The following PI4KA variants were observed in gnomAD, a reference collection of about 807,000 sequenced individuals.
The protein encoded by PI4KA is phosphatidylinositol 4-kinase alpha.
PI4KA carries 122 observed loss-of-function variants against 271.4 expected under a neutral mutation model. The observed-to-expected ratio is 0.45, with a 90% CI of 0.39 to 0.52. The LOEUF is 0.52. Ranked by LOEUF, PI4KA falls within the 20% of genes least tolerant of loss-of-function variation. PI4KA has a pLI of 0.00. For missense variants in PI4KA, 1,969 were observed against 2,769.1 expected (o/e 0.71, Z 6.48); for synonymous variants, 1,041 against 1,078.8 (o/e 0.96, Z 0.69).
intron 43 of PI4KA, among the ~76,000 whole-genome samples, chr22:20,720,247 T>C (rs933512826): frequency 6.6e-6 from 1 of 152,182 alleles, no homozygotes; most frequent in Non-Finnish European, 1.5e-5. Flanking sequence ...ATGAGAAGTT[T>C]ACTGCCAAGT....
intron 3 of PI4KA, 123 bp downstream of exon 3, chr22:20,834,439 G>T: frequency 1.4e-6 from 1 of 711,884 alleles, no homozygotes; most frequent in Non-Finnish European, 2.5e-6. Flanking sequence ...GCAGGCAGTT[G>T]TTTCCCAGCC....
Position 20,796,453 on chromosome 22 carries a change from A to G in PI4KA, c.2109-139T>C, listed in dbSNP as rs1934993309. 3.4e-5 allele frequency: 23 copies of G among 678,246 alleles called. 1 individual carries two copies. In the South Asian group the frequency reaches 4.4e-4, roughly 13 times the overall value. The allele number at this position is 678,246 out of a possible 1,614,324, so 42.0% of individuals were successfully genotyped here. On this transcript the variant is annotated intron_variant, in intron 17 of 54. Transcript: ENST00000255882. ...ACTCCTCCCAGTGTCTGTAAACCAA[A>G]GAACTCTCAAGTGGAGAAGAACATG...
intron 40 of PI4KA, 89 bp from the exon 41 acceptor site, chr22:20,727,486 G>T: frequency 8.1e-7 from 1 of 1,233,012 alleles, no homozygotes; most frequent in Non-Finnish European, 1.1e-6. Flanking sequence ...GGACGGCCAT[G>T]AGAAGTGATG....
At chr22:20,750,046 C>T (rs369185878) in intron 27 of PI4KA, 52 bp from the exon 28 acceptor site, 14 of 1,191,688 alleles carry the variant, frequency 1.2e-5, no homozygotes, top group African/African-American at 9.0e-5. Context: ...TTCATCTGAG[C>T]TGCCGTAGTG....
chr22:20,781,966 G>A (rs1447577749), intron 19 of PI4KA, among the ~76,000 whole-genome samples: 1 of 152,220 alleles, frequency 6.6e-6, no homozygotes, highest in African/African-American at 2.4e-5. Flanking sequence ...CATGACAAGA[G>A]CTCAGCGAAT....
chr22:20,785,067 C>CTTTTTTTT (rs1555894632), intron 19 of PI4KA, among the ~76,000 whole-genome samples: 1 of 134,452 alleles, frequency 7.4e-6, no homozygotes, highest in Non-Finnish European at 1.6e-5. Flanking sequence ...GGGACTGCAT[C>CTTTTTTTT]TTTTTTTTTT....
intron 19 of PI4KA, among the ~76,000 whole-genome samples, chr22:20,780,789 A>AAAAAAAAAAAAAAAAAG (rs1569025354): frequency 1.3e-5 from 2 of 151,384 alleles, no homozygotes; most frequent in African/African-American, 4.9e-5. Context: ...AAAAAAAAAA[A>AAAAAAAAAAAAAAAAAG]AAGAAGTAAA....
intron 5 of PI4KA, 83 bp downstream of exon 5, chr22:20,820,456 C>A: frequency 1.1e-6 from 1 of 897,138 alleles, no homozygotes; most frequent in Non-Finnish European, 1.8e-6. Flanking sequence ...TATTAGGTAC[C>A]CAACAACAGA....
chr22:20,780,440 T>C (rs1933680072), intron 19 of PI4KA, among the ~76,000 whole-genome samples: 1 of 152,120 alleles, frequency 6.6e-6, no homozygotes, highest in Non-Finnish European at 1.5e-5. Flanking sequence ...GTTATTAGCA[T>C]CCCCATTTTA....
At chr22:20,815,379 C>CAAA (rs361826) in intron 7 of PI4KA, among the ~76,000 whole-genome samples, 86 of 83,798 alleles carry the variant, frequency 1.0e-3, no homozygotes, top group African/African-American at 1.4e-3. Context: ...GACTGCGTCT[C>CAAA]AAAAAAAAAA....
chr22:20,778,646 T>C (rs1196414672), intron 19 of PI4KA, among the ~76,000 whole-genome samples: 1 of 152,152 alleles, frequency 6.6e-6, no homozygotes, highest in Non-Finnish European at 1.5e-5. Flanking sequence ...TTCAACAGCA[T>C]CTCCATTGCA....
chr22:20,746,555 C>G (rs1342717791), intron 29 of PI4KA, among the ~76,000 whole-genome samples: 1 of 152,202 alleles, frequency 6.6e-6, no homozygotes, highest in African/African-American at 2.4e-5. Context: ...TCCTACCACC[C>G]CCAAAAAGGA....
At chr22:20,799,610 G>A in intron 15 of PI4KA, 61 bp downstream of exon 15, 4 of 1,127,680 alleles carry the variant, frequency 3.5e-6, no homozygotes, top group Non-Finnish European at 3.9e-6. Context: ...AATGCCAGGT[G>A]CCCCACACGA....
chr22:20,844,661 T>A (rs1926027720), intron 1 of PI4KA, among the ~76,000 whole-genome samples: 1 of 152,146 alleles, frequency 6.6e-6, no homozygotes, highest in Non-Finnish European at 1.5e-5. Context: ...TGAACCTGGG[T>A]CCTACAGAAA....
intron 1 of PI4KA, among the ~76,000 whole-genome samples, chr22:20,850,449 A>AT (rs1926823200): frequency 2.2e-5 from 3 of 137,614 alleles, no homozygotes; most frequent in Non-Finnish European, 4.9e-5. Flanking sequence ...TTTAAAAAAA[A>AT]ATTTTTTTTT....
At chr22:20,732,424 A>T (rs967307546) in intron 36 of PI4KA, among the ~76,000 whole-genome samples, 3 of 151,930 alleles carry the variant, frequency 2.0e-5, no homozygotes, top group African/African-American at 4.8e-5. Flanking sequence ...CATTCGGCAT[A>T]CCCTTCCCTG....
Position 20,721,273 on chromosome 22 carries a change from G to A in PI4KA, c.5116+25C>T, listed in dbSNP as rs761200369. 23 of 1,612,952 alleles carry A rather than the reference G, an allele frequency of 1.4e-5. No individual in the cohort carries two copies. The East Asian group carries it at 1.8e-4, about 13-fold the overall frequency. On this transcript the variant is annotated intron_variant, in intron 43 of 54. Coordinates refer to ENST00000255882, the MANE Select transcript of PI4KA (RefSeq NM_058004.4). Reference sequence around the variant, plus strand: ...CAGTGCACTGAAGACAGTAAGTGAGGCCTGTGGGAGGACAAAATACTCACG... The same window carrying A: ...CAGTGCACTGAAGACAGTAAGTGAGACCTGTGGGAGGACAAAATACTCACG...
At chr22:20,857,908 T>C (rs966571598) in intron 1 of PI4KA, among the ~76,000 whole-genome samples, 5 of 152,230 alleles carry the variant, frequency 3.3e-5, no homozygotes, top group African/African-American at 9.6e-5. Context: ...CTTTCTCTTC[T>C]GAAGCAATTC....
At chr22:20,828,010 T>G (rs1008086944) in intron 3 of PI4KA, among the ~76,000 whole-genome samples, 8 of 152,176 alleles carry the variant, frequency 5.3e-5, no homozygotes, top group African/African-American at 1.7e-4. Flanking sequence ...GCCAGGCTGG[T>G]GTCGAACTCC....
Sources: gnomAD v4.1 joint callset for allele counts (sites outside exome capture counted in the v4.1 genomes callset) on GRCh38, gnomAD v4.1.1 for gene constraint, MANE v1.5 for transcripts, NCBI Gene and HGNC (gene_info 2026-07-23, HGNC 2026-07-21) for gene names.